Variants in DNAH11 observed in about 807,000 individuals in gnomAD.
DNAH11 encodes the protein axonemal beta dynein heavy chain 11.
Under a neutral mutation model 526.0 loss-of-function variants are expected in DNAH11, and 442 were observed. That is an observed-to-expected ratio of 0.84 (90% CI 0.78 to 0.91). The LOEUF (loss-of-function observed/expected upper bound fraction) is 0.91. Ranked by LOEUF, DNAH11 falls within the 40% of genes least tolerant of loss-of-function variation. DNAH11 has a pLI of 0.00. For synonymous variants in DNAH11, 2,461 were observed against 1,935.9 expected, an observed-to-expected ratio of 1.27 and a Z score of -7.12; for missense variants, 6,989 against 5,448.7, an observed-to-expected ratio of 1.28 and a Z score of -8.90.
intron 5 of DNAH11, among the ~76,000 whole-genome samples, chr7:21,562,834 T>C (rs1189465210): frequency 1.3e-5 from 2 of 152,248 alleles, no homozygotes; most frequent in African/African-American, 4.8e-5. Context: ...GCTTTATTGT[T>C]ACATAGACAG....
intron 51 of DNAH11, among the ~76,000 whole-genome samples, 160 bp from the exon 52 acceptor site, chr7:21,748,420 C>T (rs1389712879): frequency 1.3e-5 from 2 of 152,124 alleles, no homozygotes; most frequent in African/African-American, 4.8e-5. Flanking sequence ...ATCCGGGAGG[C>T]GGAGGCTGCA....
intron 69 of DNAH11, among the ~76,000 whole-genome samples, chr7:21,862,686 T>C (rs1783111207): frequency 6.6e-6 from 1 of 152,180 alleles, no homozygotes; most frequent in Non-Finnish European, 1.5e-5. Context: ...AGTGACTAGG[T>C]AAAGAGAGCT....
chr7:21,897,411 C>T (rs1271588970), intron 79 of DNAH11, among the ~76,000 whole-genome samples: 1 of 148,706 alleles, frequency 6.7e-6, no homozygotes, highest in Non-Finnish European at 1.5e-5. Flanking sequence ...TTGTCAAATG[C>T]TGCCGTGGAG....
chr7:21,591,560 A>G lies in DNAH11; in HGVS notation c.2650A>G (p.Ile884Val). The G allele has an allele frequency of 1.3e-6, 2 of 1,572,404 alleles. No individual in the cohort carries two copies. The highest frequency in any genetic ancestry group is 1.7e-6 in the Non-Finnish European group (2 of 1,155,404). Reference sequence around the variant, plus strand: ...GTTAATCCAAGGAGATGGCTGCAAGATCCACAACTTGGTCGAGGTAATGGC... The same window carrying G: ...GTTAATCCAAGGAGATGGCTGCAAGGTCCACAACTTGGTCGAGGTAATGGC... Reference protein sequence around the residue: ...YKLIQGDGCKIHNLVEENRKL... With the variant: ...YKLIQGDGCKVHNLVEENRKL... The change falls in exon 14 of 82, where the codon ATC (isoleucine) becomes GTC (valine). Residue 884 changes from isoleucine to valine, a missense_variant. Ile to Val is a conservative substitution (Grantham distance 29). Coordinates refer to ENST00000409508, the MANE Select transcript of DNAH11 (RefSeq NM_001277115.2).
At position 21,901,239 on chromosome 7, in the gene DNAH11, G is replaced by A. The variant is rs1343219099; in HGVS notation, c.13536G>A (p.Leu4512=). 6 of 1,606,402 alleles carry A rather than the reference G, an allele frequency of 3.7e-6. No individual in the cohort carries two copies. The highest frequency in any genetic ancestry group is 5.1e-6 in the Non-Finnish European group (6 of 1,176,202). Residue 4512 remains leucine (L), a synonymous_variant, in exon 82 of 82, where the codon CTG becomes CTA. Transcript: ENST00000409508. ...AATGGGTTCTGGCTGGAGTGGCTCTGCTTCTAGAAGCGTAAGGTAACACTG... is the reference window on the plus strand; with the variant it reads ...AATGGGTTCTGGCTGGAGTGGCTCTACTTCTAGAAGCGTAAGGTAACACTG... ...TAKWVLAGVA[L]LLEA
At position 21,591,285 on chromosome 7, in the gene DNAH11, T is replaced by C. The variant is rs1457561389; in HGVS notation, c.2375T>C (p.Ile792Thr). The change falls in exon 14 of 82, where the codon ATT (isoleucine) becomes ACT (threonine). Residue 792 changes from isoleucine (I) to threonine (T), a missense_variant. Transcript: ENST00000409508. ...YPLIEDELRA[I>T]DEQLTAATTW... is the part of the protein sequence containing the mutation. ...CTGATTGAAGATGAGCTGAGGGCTA[T>C]TGACGAGCAGCTGACAGCAGCCACA... 4 of 1,613,164 alleles carry C rather than the reference T, an allele frequency of 2.5e-6. No individual in the cohort carries two copies. Among genetic ancestry groups the C allele is most frequent in the Non-Finnish European group, 2.5e-6 (3 of 1,179,472 alleles).
At chr7:21,546,687 A>G (rs990498723) in intron 2 of DNAH11, among the ~76,000 whole-genome samples, 4 of 152,228 alleles carry the variant, frequency 2.6e-5, no homozygotes, top group African/African-American at 9.6e-5. Flanking sequence ...AAAATGTCAT[A>G]TGGTTATTTC....
At chr7:21,733,077 G>T (rs1372939871) in intron 45 of DNAH11, among the ~76,000 whole-genome samples, 3 of 152,162 alleles carry the variant, frequency 2.0e-5, no homozygotes, top group Admixed American at 2.0e-4. Flanking sequence ...CAAAGTGGGG[G>T]CTCTCCCAGC....
chr7:21,580,940 G>T (rs1784285410), intron 8 of DNAH11, among the ~76,000 whole-genome samples: 1 of 152,146 alleles, frequency 6.6e-6, no homozygotes, highest in South Asian at 2.1e-4. Flanking sequence ...GTGATTTTAG[G>T]TGAATCATTT....
chr7:21,880,861 G>A lies in DNAH11; in HGVS notation c.12355G>A (p.Val4119Ile). ...NPGDLTICAS[V>I]LYNYLEANSK... ...TGGAGACCTCACCATTTGTGCCAGT[G>A]TCCTCTACAACTACTTAGAGGCAAA... is the stretch of plus-strand genomic sequence containing the variant. Residue 4119 changes from valine (V) to isoleucine (I), a missense_variant, in exon 75 of 82, where the codon GTC becomes ATC. Val to Ile is a conservative substitution (Grantham distance 29). Coordinates refer to ENST00000409508, the MANE Select transcript of DNAH11 (RefSeq NM_001277115.2). 1 of 1,612,624 alleles carries A rather than the reference G, an allele frequency of 6.2e-7. No homozygotes were observed. Among genetic ancestry groups the A allele is most frequent in the Non-Finnish European group, 8.5e-7 (1 of 1,179,582 alleles).
chr7:21,882,878 G>T (rs1783973807), intron 75 of DNAH11, among the ~76,000 whole-genome samples: 1 of 152,176 alleles, frequency 6.6e-6, no homozygotes, highest in Non-Finnish European at 1.5e-5. Flanking sequence ...TTATTGAAAA[G>T]AACAGATCCC....
At chr7:21,741,098 C>T (rs1785865921) in intron 48 of DNAH11, among the ~76,000 whole-genome samples, 1 of 152,190 alleles carries the variant, frequency 6.6e-6, no homozygotes, top group Non-Finnish European at 1.5e-5. Flanking sequence ...TAAGAAGCCT[C>T]AATGTATTCT....
chr7:21,792,267 G>A lies in DNAH11; in HGVS notation c.10026+2925G>A, dbSNP rs1024270321. Among the ~76,000 whole-genome samples the A allele has an allele frequency of 5.9e-5, 9 of 152,134 alleles. No individual in the cohort carries two copies. The South Asian group carries it at 8.3e-4, about 14-fold the overall frequency. ...CTTGTATCCCTGGGTTGAATCCCAC[G>A]TGATCATGCTGAATAATCTTTTCAG... On this transcript the variant is annotated intron_variant, in intron 61 of 81. Coordinates refer to ENST00000409508, the MANE Select transcript of DNAH11 (RefSeq NM_001277115.2).
At chr7:21,743,126 T>C (rs977829645) in intron 49 of DNAH11, among the ~76,000 whole-genome samples, 3 of 152,206 alleles carry the variant, frequency 2.0e-5, no homozygotes, top group Admixed American at 6.5e-5. Flanking sequence ...AGACATGAAT[T>C]GTAGGGGCCG....
At chr7:21,776,616 C>T (rs891992212) in intron 56 of DNAH11, among the ~76,000 whole-genome samples, 2 of 152,174 alleles carry the variant, frequency 1.3e-5, no homozygotes, top group African/African-American at 4.8e-5. Flanking sequence ...TCCTAGTGAC[C>T]TTTCTTCATA....
intron 2 of DNAH11, among the ~76,000 whole-genome samples, chr7:21,553,911 A>ATT (rs201546758): frequency 1.3e-5 from 2 of 150,750 alleles, no homozygotes; most frequent in Non-Finnish European, 1.5e-5. Flanking sequence ...ATCCTTTGTA[A>ATT]TTTTTTTTTA....
Position 21,578,632 on chromosome 7 carries a change from C to A in DNAH11, c.1594-3273C>A, listed in dbSNP as rs543634818. Among the ~76,000 whole-genome samples, 17 of 152,332 alleles carry A rather than the reference C, an allele frequency of 1.1e-4. No homozygotes were observed. In the East Asian group the frequency reaches 3.3e-3, roughly 29 times the overall value. On this transcript the variant is annotated intron_variant, in intron 8 of 81. Coordinates refer to ENST00000409508, the MANE Select transcript of DNAH11 (RefSeq NM_001277115.2). ...CCAGTGGGGACTCTGTGTGGGGGCT[C>A]CAACCCCACACTGCCCTAGCAGAGG...
At chr7:21,891,648 T>G (rs540826200) in intron 76 of DNAH11, among the ~76,000 whole-genome samples, 2 of 152,294 alleles carry the variant, frequency 1.3e-5, no homozygotes, top group African/African-American at 4.8e-5. Flanking sequence ...ATTGAATGTC[T>G]ACCCTCTTGC....
intron 1 of DNAH11, among the ~76,000 whole-genome samples, chr7:21,544,353 CAG>C (rs1782725080): frequency 6.6e-6 from 1 of 152,056 alleles, no homozygotes; most frequent in African/African-American, 2.4e-5. Context: ...AATAGGATCT[CAG>C]AGAAGAAAGA....
Sources: allele counts gnomAD v4.1 joint callset (sites outside exome capture counted in the v4.1 genomes callset), GRCh38; gene constraint gnomAD v4.1.1; transcripts MANE v1.5; gene names NCBI Gene and HGNC (gene_info 2026-07-23, HGNC 2026-07-21).